The following LDB2 variants were observed in gnomAD, a reference collection of about 807,000 sequenced individuals.
LDB2 encodes LIM domain-binding protein 2.
LDB2 carries 12 observed loss-of-function variants against 44.3 expected under a neutral mutation model. The observed-to-expected ratio is 0.27, with a 90% CI of 0.17 to 0.44. The LOEUF (loss-of-function observed/expected upper bound fraction) is 0.44. LDB2 is among the 20% of genes least tolerant of loss of function. The pLI is 1.00. For missense variants in LDB2, 344 were observed against 473.5 expected (o/e 0.73, Z 2.54); for synonymous variants, 164 against 174.8 (o/e 0.94, Z 0.49).
intron 1 of LDB2, among the ~76,000 whole-genome samples, chr4:16,760,555 G>A (rs761826147): frequency 1.3e-5 from 2 of 152,056 alleles, no homozygotes; most frequent in African/African-American, 2.4e-5. Flanking sequence ...ATGGATCCAC[G>A]TACAAAGTAC....
chr4:16,797,535 T>C (rs1278146265), intron 1 of LDB2, among the ~76,000 whole-genome samples: 2 of 152,198 alleles, frequency 1.3e-5, no homozygotes, highest in Admixed American at 1.3e-4. Context: ...AATGCTTTAA[T>C]ATGCTGAGAC....
chr4:16,550,672 G>A (rs1051534656), intron 5 of LDB2, among the ~76,000 whole-genome samples: 1 of 152,210 alleles, frequency 6.6e-6, no homozygotes, highest in African/African-American at 2.4e-5. Context: ...TGCTTTTGGT[G>A]GGAGTGCAAA....
intron 6 of LDB2, among the ~76,000 whole-genome samples, chr4:16,510,269 T>C (rs1347286150): frequency 6.6e-6 from 1 of 152,154 alleles, no homozygotes; most frequent in Non-Finnish European, 1.5e-5. Context: ...TCACCTACTA[T>C]TTTTTTATCG....
At chr4:16,783,005 C>G (rs1282178737) in intron 1 of LDB2, among the ~76,000 whole-genome samples, 1 of 152,192 alleles carries the variant, frequency 6.6e-6, no homozygotes, top group Non-Finnish European at 1.5e-5. Flanking sequence ...AGACCTCTCT[C>G]TCTCCAGGAG....
chr4:16,779,817 G>A (rs574147400), intron 1 of LDB2, among the ~76,000 whole-genome samples: 4 of 152,220 alleles, frequency 2.6e-5, no homozygotes, highest in East Asian at 3.9e-4. Flanking sequence ...TGACATGCAA[G>A]GTCTCATCAT....
chr4:16,718,068 C>G (rs1253058087), intron 2 of LDB2, among the ~76,000 whole-genome samples: 2 of 152,096 alleles, frequency 1.3e-5, no homozygotes, highest in Non-Finnish European at 2.9e-5. Context: ...TAAAAGATAT[C>G]CATGTACATT....
chr4:16,713,974 C>T (rs1284465671), intron 2 of LDB2, among the ~76,000 whole-genome samples: 1 of 152,114 alleles, frequency 6.6e-6, no homozygotes, highest in African/African-American at 2.4e-5. Context: ...AGGTCAAGGA[C>T]ACTAGCCAGA....
chr4:16,606,391 A>G (rs1193426399), intron 2 of LDB2, among the ~76,000 whole-genome samples: 1 of 152,218 alleles, frequency 6.6e-6, no homozygotes, highest in Non-Finnish European at 1.5e-5. Context: ...TTTACTAGGT[A>G]CCAGAAATTG....
intron 1 of LDB2, among the ~76,000 whole-genome samples, chr4:16,879,092 G>A (rs551058088): frequency 4.6e-5 from 7 of 152,140 alleles, no homozygotes; most frequent in Middle Eastern, 3.4e-3. Flanking sequence ...GTTTTTATGC[G>A]GTATTGTATG....
intron 1 of LDB2, among the ~76,000 whole-genome samples, chr4:16,817,285 A>G (rs1472071737): frequency 1.3e-5 from 2 of 152,072 alleles, no homozygotes; most frequent in African/African-American, 4.8e-5. Context: ...TATAATTCCT[A>G]TTCTCCCCAG....
intron 5 of LDB2, among the ~76,000 whole-genome samples, chr4:16,546,964 T>TG (rs943840382): frequency 1.3e-5 from 2 of 152,202 alleles, no homozygotes; most frequent in Admixed American, 1.3e-4. Flanking sequence ...TTGTCCATTG[T>TG]GGTGGGTTGA....
chr4:16,562,367 T>G (rs1742700671), intron 5 of LDB2, among the ~76,000 whole-genome samples: 1 of 151,924 alleles, frequency 6.6e-6, no homozygotes, highest in Non-Finnish European at 1.5e-5. Flanking sequence ...TCAAACAAAT[T>G]TACAAGAAAA....
intron 1 of LDB2, among the ~76,000 whole-genome samples, chr4:16,773,671 C>G (rs946139465): frequency 6.6e-6 from 1 of 152,098 alleles, no homozygotes; most frequent in African/African-American, 2.4e-5. Context: ...GATGCACAGA[C>G]CAGTTCCTGT....
At chr4:16,898,150 G>A (rs891958367) in intron 1 of LDB2, among the ~76,000 whole-genome samples, 1 of 151,506 alleles carries the variant, frequency 6.6e-6, no homozygotes, top group Non-Finnish European at 1.5e-5. Flanking sequence ...TCAAGATTCC[G>A]GCAGAAACTG....
chr4:16,572,609 T>C (rs1022749814), intron 5 of LDB2, among the ~76,000 whole-genome samples: 2 of 152,196 alleles, frequency 1.3e-5, no homozygotes, highest in African/African-American at 2.4e-5. Flanking sequence ...GTATTTTTTT[T>C]AATGTGCTGA....
rs1323715765 is a variant in LDB2, at chr4:16,582,312, T to C, written c.615+3610A>G. Among the ~76,000 whole-genome samples, 37 of 152,190 alleles carry C rather than the reference T, an allele frequency of 2.4e-4. No homozygotes were observed. Among genetic ancestry groups the C allele is most frequent in the Non-Finnish European group, 2.6e-4 (18 of 68,030 alleles). ...AGGATCTGGTGGGAACTGACAAGGC[T>C]CCACAGCCAGGTCTCATTGACCCGG... On this transcript the variant is annotated intron_variant, in intron 5 of 7. Transcript: ENST00000304523. The surrounding 1 kb of genome is among the most constrained non-coding windows in gnomAD (Gnocchi z 4.8).
At chr4:16,693,501 G>A (rs1751352696) in intron 2 of LDB2, among the ~76,000 whole-genome samples, 1 of 152,134 alleles carries the variant, frequency 6.6e-6, no homozygotes, top group South Asian at 2.1e-4. Context: ...GACCACAGGC[G>A]TGTGCCACCA....
At chr4:16,809,110 T>G (rs977628868) in intron 1 of LDB2, among the ~76,000 whole-genome samples, 2 of 152,142 alleles carry the variant, frequency 1.3e-5, no homozygotes, top group African/African-American at 4.8e-5. Flanking sequence ...CCCCTAAATC[T>G]TAGGAGATGG....
intron 1 of LDB2, among the ~76,000 whole-genome samples, chr4:16,793,514 A>G (rs1225685452): frequency 2.6e-5 from 4 of 152,196 alleles, no homozygotes; most frequent in Non-Finnish European, 5.9e-5. Flanking sequence ...TTAATCGTGC[A>G]GGTCTTTACC....
Sources: allele counts gnomAD v4.1 joint callset (sites outside exome capture counted in the v4.1 genomes callset), GRCh38; gene constraint gnomAD v4.1.1; non-coding constraint Gnocchi (gnomAD v3.1); transcripts MANE v1.5; gene names NCBI Gene and HGNC (gene_info 2026-07-23, HGNC 2026-07-21).